The following SP140 variants were observed in gnomAD, a reference collection of about 807,000 sequenced individuals.
The protein encoded by SP140 is nuclear body protein SP140.
SP140 carries 81 observed loss-of-function variants against 125.0 expected under a neutral mutation model. That is an observed-to-expected ratio of 0.65 (90% CI 0.54 to 0.78). SP140 has a LOEUF of 0.78. SP140 is among the 30% of genes least tolerant of loss of function. SP140 has a pLI of 0.00. For missense variants in SP140, 858 were observed against 1,037.0 expected, an observed-to-expected ratio of 0.83 and a Z score of 2.37; for synonymous variants, 312 against 354.0, an observed-to-expected ratio of 0.88 and a Z score of 1.33.
At chr2:230,266,453 G>A (rs1021413339) in intron 12 of SP140, among the ~76,000 whole-genome samples, 1 of 152,174 alleles carries the variant, frequency 6.6e-6, no homozygotes, top group Non-Finnish European at 1.5e-5. Flanking sequence ...GAAGAAGATG[G>A]TTGTGTTCGT....
downstream of SP140, among the ~76,000 whole-genome samples, chr2:230,314,898 T>C (rs764996737): frequency 4.6e-5 from 7 of 152,036 alleles, no homozygotes; most frequent in Non-Finnish European, 1.0e-4. Context: ...CAGTAGTGAG[T>C]AAAATGAAAG....
chr2:230,267,130 C>T (rs1443148044), intron 12 of SP140, among the ~76,000 whole-genome samples: 1 of 152,150 alleles, frequency 6.6e-6, no homozygotes, highest in Non-Finnish European at 1.5e-5. Context: ...TCAAGTGAGA[C>T]ATTAAACAAA....
At chr2:230,247,502 ATC>A (rs1490376855) in intron 7 of SP140, among the ~76,000 whole-genome samples, 1 of 152,128 alleles carries the variant, frequency 6.6e-6, no homozygotes, top group Non-Finnish European at 1.5e-5. Flanking sequence ...CTCTGGTAAG[ATC>A]TCTCTCTTGG....
At chr2:230,301,723 A>G (rs898867857) in intron 22 of SP140, among the ~76,000 whole-genome samples, 1 of 152,140 alleles carries the variant, frequency 6.6e-6, no homozygotes, top group Non-Finnish European at 1.5e-5. Context: ...AAATAACACA[A>G]TGAAAAAAAT....
At chr2:230,247,568 C>CA (rs1386281821) in intron 7 of SP140, among the ~76,000 whole-genome samples, 2 of 152,216 alleles carry the variant, frequency 1.3e-5, no homozygotes, top group Non-Finnish European at 2.9e-5. Flanking sequence ...GTACCTCTCA[C>CA]ATCCATTCTT....
At chr2:230,206,827 A>G (rs1436413993) in intron 1 of SP140, among the ~76,000 whole-genome samples, 4 of 151,768 alleles carry the variant, frequency 2.6e-5, no homozygotes, top group East Asian at 3.9e-4. Context: ...AATTAGAGCT[A>G]TAGCTATTTT....
In SP140 at chr2:230,294,568, G is replaced by A. The variant is rs146771638; in HGVS notation, c.2016+250G>A. ...ATGATAAGGAGCCATCAGAATATAC[G>A]TCCTGGGAGTGTTTTAGCAATAGAT... On this transcript the variant is annotated intron_variant, in intron 21 of 26. Transcript: ENST00000392045. Among the ~76,000 whole-genome samples the A allele has an allele frequency of 1.6e-4, 24 of 152,266 alleles. No homozygotes were observed. In the East Asian group the frequency reaches 4.0e-3, roughly 26 times the overall value.
At chr2:230,305,679 C>T (rs1016741823) in intron 22 of SP140, among the ~76,000 whole-genome samples, 9 of 152,184 alleles carry the variant, frequency 5.9e-5, no homozygotes, top group African/African-American at 1.4e-4. Flanking sequence ...GGGTCGGGCC[C>T]GAACGCGGAG....
At chr2:230,269,046 TCC>T (rs1259298973) in intron 12 of SP140, among the ~76,000 whole-genome samples, 3 of 151,982 alleles carry the variant, frequency 2.0e-5, no homozygotes, top group Non-Finnish European at 4.4e-5. Context: ...GTGTAGGGAC[TCC>T]AGACCTTCAG....
At chr2:230,310,395 T>C (rs1316349694) in intron 23 of SP140, 11 of 496,198 alleles carry the variant, frequency 2.2e-5, no homozygotes, top group South Asian at 6.3e-5. Context: ...CACGATCTCA[T>C]TGGGCTGTTG....
chr2:230,275,601 A>T (rs1007247565), intron 15 of SP140, among the ~76,000 whole-genome samples: 24 of 152,224 alleles, frequency 1.6e-4, no homozygotes, highest in East Asian at 7.7e-4. Flanking sequence ...CTTTCCTGAG[A>T]CAAAAAAATA....
Position 230,211,659 on chromosome 2 carries a change from C to T in SP140, c.-322-1995C>T. On this transcript the variant is annotated intron_variant, in intron 1 of 4. Coordinates refer to the SP140 transcript ENST00000456542. The surrounding 1 kb of genome is among the most constrained non-coding windows in gnomAD (Gnocchi z 4.2). ...CCAACAAGTAAAAATGACGGGGTAA[C>T]AGCAACCAAGGCCTGGGAAAGGATG... The T allele has an allele frequency of 1.3e-6, 1 of 768,432 alleles. No individual in the cohort carries two copies. The highest frequency in any genetic ancestry group is 2.3e-6 in the Non-Finnish European group (1 of 429,816). The allele number at this position is 768,432 out of a possible 1,614,324, so 47.6% of individuals were successfully genotyped here. A position where few individuals can be genotyped will look rare whatever the true frequency, so the allele number is the denominator to read the frequency against.
intron 12 of SP140, among the ~76,000 whole-genome samples, chr2:230,256,147 A>G (rs888152378): frequency 1.6e-4 from 24 of 152,178 alleles, no homozygotes; most frequent in African/African-American, 5.8e-4. Flanking sequence ...TAGAAATACC[A>G]TTTGACTCAG....
intron 3 of SP140, chr2:230,214,824 A>G (rs768006402): frequency 1.3e-4 from 101 of 778,184 alleles, no homozygotes; most frequent in Non-Finnish European, 2.1e-4. Context: ...ATGAGAGAAT[A>G]TGGTCCATTC....
At chr2:230,222,581 G>T (rs947145095), upstream of SP140, among the ~76,000 whole-genome samples, 7 of 151,832 alleles carry the variant, frequency 4.6e-5, no homozygotes, top group Non-Finnish European at 7.4e-5. Flanking sequence ...TAAATTAATT[G>T]GGCATGTTGG....
intron 1 of SP140, among the ~76,000 whole-genome samples, chr2:230,206,595 T>TATA (rs2043840701): frequency 2.8e-5 from 2 of 70,508 alleles, no homozygotes; most frequent in African/African-American, 4.8e-5. Context: ...GGTCCAGATT[T>TATA]TATATATATA....
At chr2:230,197,783 C>G in the SP140 span, among the ~76,000 whole-genome samples, 1 of 152,020 alleles carries the variant, frequency 6.6e-6, no homozygotes, top group Non-Finnish European at 1.5e-5. Context: ...TTTCCCAGCA[C>G]CATTTATTAA....
chr2:230,270,105 T>A (rs1254809405), intron 14 of SP140, 152 bp downstream of exon 14: 2 of 623,286 alleles, frequency 3.2e-6, no homozygotes, highest in Admixed American at 3.0e-5. Flanking sequence ...AGGCAAGAGA[T>A]CGTTATAAAG....
chr2:230,293,258 A>G (rs538914857), intron 20 of SP140, among the ~76,000 whole-genome samples: 1 of 152,180 alleles, frequency 6.6e-6, no homozygotes, highest in Non-Finnish European at 1.5e-5. Flanking sequence ...CAGGCTAAGG[A>G]GTTTAAACCT....
Sources: allele counts gnomAD v4.1 joint callset (sites outside exome capture counted in the v4.1 genomes callset), GRCh38; gene constraint gnomAD v4.1.1; non-coding constraint Gnocchi (gnomAD v3.1); transcripts MANE v1.5; gene names NCBI Gene and HGNC (gene_info 2026-07-23, HGNC 2026-07-21).